The following OR5M1 variants were observed in gnomAD, a reference collection of about 807,000 sequenced individuals.
The protein encoded by OR5M1 is olfactory receptor 5M1.
For synonymous variants in OR5M1, 165 were observed against 144.2 expected, an observed-to-expected ratio of 1.14 and a Z score of -1.04; for missense variants, 367 against 379.5, an observed-to-expected ratio of 0.97 and a Z score of 0.27.
chr11:56,613,555 A>G (rs1853710569), intron 1 of OR5M1, 36 bp from the exon 2 acceptor site: 1 of 1,526,858 alleles, frequency 6.5e-7, no homozygotes, highest in Middle Eastern at 1.7e-4. Context: ...TTTCTCTCTG[A>G]TTCAGATTTG....
Position 56,613,480 on chromosome 11 carries a change from A to G in OR5M1, c.23T>C (p.Ile8Thr), listed in dbSNP as rs374213146. Residue 8 changes from isoleucine to threonine, a missense_variant, in exon 2 of 2, where the codon ATA becomes ACA. Transcript: ENST00000641076. MFSPNHT[I>T]VTEFILLGLT... The stretch of plus-strand genomic sequence containing the variant: ...TCCCAAGAGAATGAATTCTGTCACT[A>G]TGGTGTGGTTTGGGGAGAACATCTT... 60 of 1,613,376 alleles carry G rather than the reference A, an allele frequency of 3.7e-5. No individual in the cohort carries two copies. Among genetic ancestry groups the G allele is most frequent in the South Asian group, 2.0e-4 (18 of 91,070 alleles).
intron 1 of OR5M1, among the ~76,000 whole-genome samples, chr11:56,614,307 A>C (rs530194689): frequency 5.3e-5 from 8 of 152,324 alleles, no homozygotes; most frequent in Admixed American, 4.6e-4. Context: ...ACACAGAAAA[A>C]GTTACATACA....
At chr11:56,614,313 A>G (rs1469223303) in intron 1 of OR5M1, among the ~76,000 whole-genome samples, 1 of 152,224 alleles carries the variant, frequency 6.6e-6, no homozygotes, top group East Asian at 1.9e-4. Flanking sequence ...AAAAAGTTAC[A>G]TACAATTTCA....
At chr11:56,614,799 A>G (rs1387233571) in intron 1 of OR5M1, 58 bp downstream of exon 1, 1 of 151,882 alleles carries the variant, frequency 6.6e-6, no homozygotes, top group African/African-American at 2.4e-5. Flanking sequence ...ACACACACAC[A>G]CACACACACA....
Position 56,613,355 on chromosome 11 carries a change from T to G in OR5M1, c.148A>C (p.Arg50=), listed in dbSNP as rs1853706599. Residue 50 remains arginine, a synonymous_variant, in exon 2 of 2, where the codon AGG becomes CGG. Transcript: ENST00000641076. ...AGNLCMILLI[R]TNSHLQTPMY... ...GGTGTTTGCAGGTGGGAATTGGTCC[T>G]GATCAGCAGGATCATGCACAGGTTG... 1 of 1,613,582 alleles carries G rather than the reference T, an allele frequency of 6.2e-7. No homozygotes were observed. The highest frequency in any genetic ancestry group is 1.7e-5 in the Admixed American group (1 of 59,962).
In OR5M1 at chr11:56,612,972, G is replaced by C. The variant is rs552389950; in HGVS notation, c.531C>G (p.Phe177Leu). 2.5e-6 allele frequency: 4 copies of C among 1,613,812 alleles called. No individual in the cohort carries two copies. Among genetic ancestry groups the C allele is most frequent in the Non-Finnish European group, 2.5e-6 (3 of 1,179,804 alleles). The change falls in exon 2 of 2, where the codon TTC becomes TTG. Residue 177 changes from phenylalanine (F) to leucine (L), a missense_variant. By Grantham distance (22) the Phe-to-Leu change is conservative. Transcript: ENST00000641076. Reference sequence around the variant, plus strand: ...TGATAAGAGGAGGATCAGCGCAGTAGAAATGATTGATTTCAAGGGAGCCAC... The same window carrying C: ...TGATAAGAGGAGGATCAGCGCAGTACAAATGATTGATTTCAAGGGAGCCAC... ...SFCGSLEINHFYCADPPLIML... is the reference protein window; with the variant it reads ...SFCGSLEINHLYCADPPLIML...
At position 56,610,239 on chromosome 11, in the gene OR5M1, T is replaced by G. The variant is rs1275839526; in HGVS notation, c.*2316A>C. 2.6e-5 allele frequency: 4 copies of G among 152,084 alleles called. No individual in the cohort carries two copies. The highest frequency in any genetic ancestry group is 5.9e-5 in the Non-Finnish European group (4 of 67,942). 9.4% of individuals were successfully genotyped at this position (152,084 alleles called of 1,614,324 possible). A position where few individuals can be genotyped will look rare whatever the true frequency, so the allele number is the denominator to read the frequency against. On this transcript the variant is annotated 3_prime_UTR_variant, in exon 2 of 2. Transcript: ENST00000641076. ...CAGCCTAAATAGCATATATGTCTTC[T>G]GTATATCAAAATTTTCTCCCTTCAC...
rs772658917 is a variant in OR5M1, at chr11:56,613,098, C to A, written c.405G>T (p.Arg135Ser). 7 of 1,613,806 alleles carry A rather than the reference C, an allele frequency of 4.3e-6. No homozygotes were observed. The South Asian group carries it at 6.6e-5, about 15-fold the overall frequency. ...GACAGACACAGATGTTCTTGGACAT[C>A]CTGGAACTGTAATGCAAAGGGCTGC... Reference protein sequence around the residue: ...AICSPLHYSSRMSKNICVCLV... With the variant: ...AICSPLHYSSSMSKNICVCLV... The change falls in exon 2 of 2, where the codon AGG (arginine) becomes AGT (serine). Residue 135 changes from arginine to serine, a missense_variant. Physicochemically the swap from Arg to Ser is moderately radical, Grantham distance 110 (BLOSUM62 -1). Transcript: ENST00000641076.
chr11:56,613,805 T>C (rs1049274694), intron 1 of OR5M1, among the ~76,000 whole-genome samples: 1 of 152,216 alleles, frequency 6.6e-6, no homozygotes, highest in African/African-American at 2.4e-5. Flanking sequence ...CATTTATACC[T>C]GTCTTCTTGG....
In OR5M1 at chr11:56,612,320, G is replaced by T; in HGVS notation, c.*235C>A. On this transcript the variant is annotated 3_prime_UTR_variant, in exon 2 of 2. Transcript: ENST00000641076. ...ATAGTATTTTCATATAGAATTATTA[G>T]ATACTAAAAAATTTATTTTCATAGA... 2 of 301,670 alleles carry T rather than the reference G, an allele frequency of 6.6e-6. No individual in the cohort carries two copies. Among genetic ancestry groups the T allele is most frequent in the Non-Finnish European group, 1.2e-5 (2 of 165,498 alleles). 18.7% of individuals were successfully genotyped at this position (301,670 alleles called of 1,614,324 possible).
At chr11:56,614,025 C>T (rs554026252) in intron 1 of OR5M1, among the ~76,000 whole-genome samples, 64 of 152,186 alleles carry the variant, frequency 4.2e-4, no homozygotes, top group African/African-American at 1.4e-3. Flanking sequence ...CAATTAAGAC[C>T]CATAGCTGTG....
Position 56,613,445 on chromosome 11 carries a change from C to T in OR5M1, c.58G>A (p.Asp20Asn), listed in dbSNP as rs746757034. 9.3e-6 allele frequency: 15 copies of T among 1,613,542 alleles called. No individual in the cohort carries two copies. Among genetic ancestry groups the T allele is most frequent in the East Asian group, 4.5e-5 (2 of 44,860 alleles). ...TEFILLGLTD[D>N]PVLEKILFGV... is the part of the protein sequence containing the mutation. ...AACAGGATCTTCTCTAGCACTGGGT[C>T]GTCTGTCAGTCCCAAGAGAATGAAT... The change falls in exon 2 of 2, where the codon GAC (aspartate) becomes AAC (asparagine). Residue 20 changes from aspartate to asparagine, a missense_variant. Asp to Asn is a conservative substitution (Grantham distance 23). Transcript: ENST00000641076.
Position 56,613,825 on chromosome 11 carries a change from C to T in OR5M1, c.-17-306G>A, listed in dbSNP as rs570041608. Among the ~76,000 whole-genome samples, 9 of 152,248 alleles carry T rather than the reference C, an allele frequency of 5.9e-5. No homozygotes were observed. In the East Asian group the frequency reaches 1.7e-3, roughly 29 times the overall value. On this transcript the variant is annotated intron_variant, in intron 1 of 1. Coordinates refer to ENST00000641076, the MANE Select transcript of OR5M1 (RefSeq NM_001004740.2). ...ATACCTGTCTTCTTGGTGTACTCCACATTTGGTAATTTTATTCAAACTTCG... is the reference window on the plus strand; with the variant it reads ...ATACCTGTCTTCTTGGTGTACTCCATATTTGGTAATTTTATTCAAACTTCG...
chr11:56,613,403 T>G lies in OR5M1; in HGVS notation c.100A>C (p.Ile34Leu), dbSNP rs1322376023. The G allele has an allele frequency of 6.2e-7, 1 of 1,613,646 alleles. No individual in the cohort carries two copies. The highest frequency in any genetic ancestry group is 1.7e-5 in the Admixed American group (1 of 59,978). Reference protein sequence around the residue: ...EKILFGVFLAIYLITLAGNLC... With the variant: ...EKILFGVFLALYLITLAGNLC... ...TTGCCTGCCAGTGTGATTAGGTAGA[T>G]CGCAAGGAATACCCCAAACAGGATC... is the stretch of plus-strand genomic sequence containing the variant. Residue 34 changes from isoleucine to leucine, a missense_variant, in exon 2 of 2, where the codon ATC becomes CTC. Coordinates refer to ENST00000641076, the MANE Select transcript of OR5M1 (RefSeq NM_001004740.2).
intron 1 of OR5M1, among the ~76,000 whole-genome samples, chr11:56,614,554 C>G (rs184945570): frequency 1.3e-5 from 2 of 151,988 alleles, no homozygotes; most frequent in Admixed American, 6.6e-5. Context: ...CCAACTCAAG[C>G]CACTCTCTCT....
At position 56,612,844 on chromosome 11, in the gene OR5M1, A is replaced by G. The variant is rs1565023742; in HGVS notation, c.659T>C (p.Phe220Ser). 19 of 1,613,780 alleles carry G rather than the reference A, an allele frequency of 1.2e-5. No individual in the cohort carries two copies. Among genetic ancestry groups the G allele is most frequent in the Non-Finnish European group, 1.4e-5 (17 of 1,179,766 alleles). The change falls in exon 2 of 2, where the codon TTC becomes TCC. Residue 220 changes from phenylalanine to serine, a missense_variant. Coordinates refer to ENST00000641076, the MANE Select transcript of OR5M1 (RefSeq NM_001004740.2). ...SLFIILLSYL[F>S]IFAAIFRIRS... ...GATCCTGAAGATCGCTGCAAAAATG[A>G]AAAGATAGGACAGAAGAATGATGAA...
intron 1 of OR5M1, among the ~76,000 whole-genome samples, chr11:56,614,227 A>G (rs1187970695): frequency 6.6e-6 from 1 of 152,182 alleles, no homozygotes; most frequent in African/African-American, 2.4e-5. Flanking sequence ...CAAGTCTCCC[A>G]GCTCAGGGAG....
rs953532400 is a variant in OR5M1 at position 56,610,307 on chromosome 11, G to A, written c.*2248C>T. 1 of 152,002 alleles carries A rather than the reference G, an allele frequency of 6.6e-6. No homozygotes were observed. Among genetic ancestry groups the A allele is most frequent in the African/African-American group, 2.4e-5 (1 of 41,440 alleles). 9.4% of individuals were successfully genotyped at this position (152,002 alleles called of 1,614,324 possible). A position where few individuals can be genotyped will look rare whatever the true frequency, so the allele number is the denominator to read the frequency against. ...TTTAATTATAATGCCTATAAATTAT[G>A]TTAACCGGAATTTTCAAGGGAAATT... On this transcript the variant is annotated 3_prime_UTR_variant, in exon 2 of 2. Coordinates refer to ENST00000641076, the MANE Select transcript of OR5M1 (RefSeq NM_001004740.2).
rs1853665546 is a variant in OR5M1 at position 56,610,658 on chromosome 11, G to C, written c.*1897C>G. 6.6e-6 allele frequency: 1 copy of C among 152,046 alleles called. No homozygotes were observed. Among genetic ancestry groups the C allele is most frequent in the African/African-American group, 2.4e-5 (1 of 41,404 alleles). The allele number at this position is 152,046 out of a possible 1,614,324, so 9.4% of individuals were successfully genotyped here. On this transcript the variant is annotated 3_prime_UTR_variant, in exon 2 of 2. Transcript: ENST00000641076. ...TTAAAATAAAGTGTTCCTAAAATCA[G>C]CACTACACTGTGACTGCAACTCTTA...
Sources: gnomAD v4.1 joint callset for allele counts (sites outside exome capture counted in the v4.1 genomes callset) on GRCh38, gnomAD v4.1.1 for gene constraint, MANE v1.5 for transcripts, NCBI Gene and HGNC (gene_info 2026-07-23, HGNC 2026-07-21) for gene names.